Variants in CCSER1 observed in about 807,000 individuals in gnomAD.
CCSER1 encodes serine-rich coiled-coil domain-containing protein 1.
A neutral mutation model predicts 82.0 loss-of-function variants in CCSER1; 41 were observed. The observed-to-expected ratio is 0.50, with a 90% CI of 0.39 to 0.65. CCSER1 has a LOEUF of 0.65. CCSER1 is among the 30% of genes least tolerant of loss of function. The pLI, the probability that CCSER1 is intolerant of heterozygous loss-of-function variation, is 0.00. For missense variants in CCSER1, 1,119 were observed against 1,064.2 expected, an observed-to-expected ratio of 1.05 and a Z score of -0.72; for synonymous variants, 414 against 383.9, an observed-to-expected ratio of 1.08 and a Z score of -0.92.
At chr4:91,168,187 G>GCCCAGCCGCCCTGTCTAGGA (rs1732336774) in intron 10 of CCSER1, among the ~76,000 whole-genome samples, 1 of 148,472 alleles carries the variant, frequency 6.7e-6, no homozygotes, top group African/African-American at 2.5e-5. Context: ...CCCATCGTCT[G>GCCCAGCCGCCCTGTCTAGGA]GGAAGTGAGT....
rs1442035802 is a variant in CCSER1, at chr4:91,118,293, T to TTTA, written c.2217+32301_2217+32302insATT. Among the ~76,000 whole-genome samples, 19 of 150,636 alleles carry TTTA rather than the reference T, an allele frequency of 1.3e-4. 1 individual carries two copies. The South Asian group carries it at 4.0e-3, about 32-fold the overall frequency. On this transcript the variant is annotated intron_variant, in intron 10 of 10. Coordinates refer to ENST00000509176, the MANE Select transcript of CCSER1 (RefSeq NM_001145065.2). ...ACTGTAGTTATGGAGACTTTTTTTTTTTTTTTTTTTGAGACGAGGTCTCGT... is the reference window on the plus strand; with the variant it reads ...ACTGTAGTTATGGAGACTTTTTTTTTTTATTTTTTTTTTGAGACGAGGTCTCGT...
intron 5 of CCSER1, among the ~76,000 whole-genome samples, chr4:90,486,682 T>A (rs144260414): frequency 3.9e-4 from 60 of 152,296 alleles, no homozygotes; most frequent in African/African-American, 1.3e-3. Context: ...GCCAAGGGCT[T>A]CCAAGAAATA....
chr4:91,025,230 A>G (rs1303700316), intron 9 of CCSER1, among the ~76,000 whole-genome samples: 3 of 152,190 alleles, frequency 2.0e-5, no homozygotes, highest in African/African-American at 7.2e-5. Flanking sequence ...AGTTTAAAAA[A>G]TGGAAAGATA....
At chr4:90,715,155 T>C (rs1448589195) in intron 6 of CCSER1, among the ~76,000 whole-genome samples, 2 of 152,030 alleles carry the variant, frequency 1.3e-5, no homozygotes, top group Admixed American at 6.6e-5. Flanking sequence ...ACTTTATAAA[T>C]AGATTACCAA....
At chr4:91,305,837 C>T (rs955938008) in intron 10 of CCSER1, among the ~76,000 whole-genome samples, 3 of 151,950 alleles carry the variant, frequency 2.0e-5, no homozygotes, top group African/African-American at 7.2e-5. Flanking sequence ...GCCTCTTACA[C>T]GGCAGCAGGC....
intron 9 of CCSER1, among the ~76,000 whole-genome samples, chr4:91,061,261 A>C (rs1480884492): frequency 1.3e-5 from 2 of 151,924 alleles, no homozygotes; most frequent in East Asian, 3.9e-4. Flanking sequence ...GTATCCGTTC[A>C]GATACTTTCA....
At chr4:91,472,424 C>A (rs754973009) in intron 10 of CCSER1, among the ~76,000 whole-genome samples, 8 of 152,126 alleles carry the variant, frequency 5.3e-5, no homozygotes, top group Non-Finnish European at 1.0e-4. Flanking sequence ...TTTTTCCCAT[C>A]GTATCAATCA....
chr4:91,217,704 G>C (rs1737364815), intron 10 of CCSER1, among the ~76,000 whole-genome samples: 1 of 152,148 alleles, frequency 6.6e-6, no homozygotes, highest in Non-Finnish European at 1.5e-5. Context: ...TAGATACAGA[G>C]TGCCGATTGG....
intron 10 of CCSER1, among the ~76,000 whole-genome samples, chr4:91,358,023 G>A (rs1003885736): frequency 9.9e-5 from 15 of 150,988 alleles, no homozygotes; most frequent in African/African-American, 3.4e-4. Context: ...CTTCACTTTT[G>A]TTGAAAACCT....
At chr4:90,584,575 A>G (rs1781778632) in intron 5 of CCSER1, among the ~76,000 whole-genome samples, 1 of 152,194 alleles carries the variant, frequency 6.6e-6, no homozygotes, top group Non-Finnish European at 1.5e-5. Context: ...ATTGTTAGCT[A>G]AAAATTTGGG....
chr4:90,369,099 C>T (rs1294460014), intron 3 of CCSER1, among the ~76,000 whole-genome samples: 1 of 151,148 alleles, frequency 6.6e-6, no homozygotes, highest in African/African-American at 2.4e-5. Context: ...ATAAATAAAG[C>T]CAAAAGCTAT....
chr4:90,683,641 C>A (rs922282709), intron 6 of CCSER1, among the ~76,000 whole-genome samples: 1 of 151,924 alleles, frequency 6.6e-6, no homozygotes, highest in African/African-American at 2.4e-5. Flanking sequence ...TCTTTTTATT[C>A]AACAAACATA....
At chr4:91,404,528 A>G (rs1752561241) in intron 10 of CCSER1, among the ~76,000 whole-genome samples, 1 of 152,126 alleles carries the variant, frequency 6.6e-6, no homozygotes, top group Non-Finnish European at 1.5e-5. Context: ...TCTTGTGGGC[A>G]TTAAGTGCTA....
At chr4:91,227,077 C>A (rs1036155503) in intron 10 of CCSER1, among the ~76,000 whole-genome samples, 1 of 151,806 alleles carries the variant, frequency 6.6e-6, no homozygotes, top group East Asian at 1.9e-4. Flanking sequence ...TAGCTAGTTA[C>A]CCAATAGTTT....
chr4:90,378,295 T>C (rs946997765), intron 3 of CCSER1, among the ~76,000 whole-genome samples: 1 of 152,176 alleles, frequency 6.6e-6, no homozygotes, highest in Admixed American at 6.6e-5. Flanking sequence ...TAAAATACTT[T>C]ATAGTTTTCT....
intron 7 of CCSER1, among the ~76,000 whole-genome samples, chr4:90,750,925 T>C (rs917733823): frequency 6.6e-6 from 1 of 152,174 alleles, no homozygotes; most frequent in African/African-American, 2.4e-5. Flanking sequence ...TATCTTTTCT[T>C]TGAAATATAT....
At chr4:91,257,023 A>T (rs2149159130) in intron 10 of CCSER1, among the ~76,000 whole-genome samples, 1 of 152,246 alleles carries the variant, frequency 6.6e-6, no homozygotes, top group South Asian at 2.1e-4. Flanking sequence ...ACTTGTCATT[A>T]TTTTTTTATA....
intron 4 of CCSER1, among the ~76,000 whole-genome samples, chr4:90,428,136 G>A (rs111872722): frequency 2.6e-5 from 4 of 151,866 alleles, no homozygotes; most frequent in African/African-American, 7.2e-5. Context: ...AAAAGCTTTA[G>A]CCTATTATGA....
chr4:90,739,691 A>T (rs1188026506), intron 7 of CCSER1, among the ~76,000 whole-genome samples: 1 of 152,168 alleles, frequency 6.6e-6, no homozygotes, highest in African/African-American at 2.4e-5. Context: ...TGTTCCCTCC[A>T]TGTCACCAAC....
Sources: gnomAD v4.1 joint callset for allele counts (sites outside exome capture counted in the v4.1 genomes callset) on GRCh38, gnomAD v4.1.1 for gene constraint, MANE v1.5 for transcripts, NCBI Gene and HGNC (gene_info 2026-07-23, HGNC 2026-07-21) for gene names.